The following KIAA0232 variants were observed in gnomAD, a reference collection of about 807,000 sequenced individuals.
KIAA0232 encodes uncharacterized protein KIAA0232.
In KIAA0232, 27 loss-of-function variants were observed where a neutral mutation model predicts 122.0. The observed-to-expected ratio is 0.22, with a 90% CI of 0.16 to 0.31. The LOEUF is 0.31. Ranked by LOEUF, KIAA0232 falls within the 10% of genes least tolerant of loss-of-function variation. The probability of loss-of-function intolerance (pLI) is 1.00; values close to 1 mark genes in which losing one functional copy is unlikely to be tolerated. For synonymous variants in KIAA0232, 613 were observed against 587.6 expected, an observed-to-expected ratio of 1.04 and a Z score of -0.63; for missense variants, 1,551 against 1,634.2, an observed-to-expected ratio of 0.95 and a Z score of 0.88.
intron 2 of KIAA0232, among the ~76,000 whole-genome samples, chr4:6,807,131 C>A (rs114825227): frequency 2.9e-4 from 44 of 152,060 alleles, no homozygotes; most frequent in African/African-American, 9.7e-4. Flanking sequence ...TACGCCTGGG[C>A]TCAAGTGTTG....
intron 3 of KIAA0232, among the ~76,000 whole-genome samples, chr4:6,835,658 C>T (rs1207833817): frequency 6.6e-6 from 1 of 152,156 alleles, no homozygotes; most frequent in African/African-American, 2.4e-5. Context: ...GTGATGTTCC[C>T]CTCCCTGTGT....
intron 7 of KIAA0232, among the ~76,000 whole-genome samples, chr4:6,867,283 G>A (rs966059965): frequency 3.3e-5 from 5 of 152,178 alleles, no homozygotes; most frequent in African/African-American, 1.2e-4. Flanking sequence ...TGAAGGTTGA[G>A]GAAGGTTTCT....
rs200991346 is a variant in KIAA0232, at chr4:6,861,064, G to C, written c.682G>C (p.Glu228Gln). The change falls in exon 7 of 10, where the codon GAA (glutamate) becomes CAA (glutamine). Residue 228 changes from glutamate (E) to glutamine (Q), a missense_variant. Glu to Gln is a conservative substitution (Grantham distance 29). Transcript: ENST00000307659. ...TTCCTCTCCTAAGGACTGCAACAGT[G>C]AAAGTGAAGTCACCAAGGAAAGAAG... ...DTSSPKDCNS[E>Q]SEVTKERSSE... 326 of 1,614,026 alleles carry C rather than the reference G, an allele frequency of 2.0e-4. 2 individuals carry two copies. The highest frequency in any genetic ancestry group is 3.9e-5 in the Non-Finnish European group (46 of 1,180,022).
chr4:6,791,038 C>T (rs1466939367), intron 1 of KIAA0232, among the ~76,000 whole-genome samples: 1 of 149,612 alleles, frequency 6.7e-6, no homozygotes, highest in African/African-American at 2.5e-5. Context: ...CCTGCCTTGG[C>T]CTCCTGAGTA....
At chr4:6,866,009 A>G (rs1019752024) in intron 7 of KIAA0232, among the ~76,000 whole-genome samples, 3 of 152,306 alleles carry the variant, frequency 2.0e-5, no homozygotes, top group African/African-American at 7.2e-5. Flanking sequence ...GGAAGCCCCC[A>G]GGCGACTTGA....
intron 2 of KIAA0232, among the ~76,000 whole-genome samples, chr4:6,813,937 C>T (rs1577366942): frequency 6.6e-6 from 1 of 152,126 alleles, no homozygotes; most frequent in Non-Finnish European, 1.5e-5. Flanking sequence ...ACTGTCACTG[C>T]CGGGCAGCAC....
intron 3 of KIAA0232, among the ~76,000 whole-genome samples, chr4:6,834,194 C>T (rs566820094): frequency 2.8e-4 from 42 of 152,256 alleles, no homozygotes; most frequent in African/African-American, 1.0e-3. Flanking sequence ...GCTCAAGGGT[C>T]CTCCTGTCTC....
At chr4:6,859,747 A>C (rs1720758507) in intron 6 of KIAA0232, among the ~76,000 whole-genome samples, 1 of 152,208 alleles carries the variant, frequency 6.6e-6, no homozygotes, top group South Asian at 2.1e-4. Context: ...TTCATGTGTG[A>C]CCTTGAGCAT....
At chr4:6,848,762 A>G (rs1226703127) in intron 4 of KIAA0232, among the ~76,000 whole-genome samples, 1 of 152,224 alleles carries the variant, frequency 6.6e-6, no homozygotes, top group Non-Finnish European at 1.5e-5. Context: ...TTTATTGAGC[A>G]CTTAAAATGT....
chr4:6,803,320 T>G (rs1228360506), intron 1 of KIAA0232, among the ~76,000 whole-genome samples: 1 of 151,670 alleles, frequency 6.6e-6, no homozygotes, highest in Non-Finnish European at 1.5e-5. Flanking sequence ...GAAGACAAGG[T>G]AAGAGAAAGA....
chr4:6,859,610 T>C (rs1720753057), intron 6 of KIAA0232, among the ~76,000 whole-genome samples: 1 of 152,252 alleles, frequency 6.6e-6, no homozygotes, highest in African/African-American at 2.4e-5. Context: ...TCTTATGTTT[T>C]TAATGTGCCT....
At chr4:6,815,978 T>A (rs771160521) in intron 2 of KIAA0232, among the ~76,000 whole-genome samples, 3 of 152,186 alleles carry the variant, frequency 2.0e-5, no homozygotes, top group Non-Finnish European at 4.4e-5. Flanking sequence ...ACAAAAAGAA[T>A]CTTATGGTTG....
chr4:6,846,850 C>G (rs1236557430), intron 4 of KIAA0232, among the ~76,000 whole-genome samples: 1 of 152,006 alleles, frequency 6.6e-6, no homozygotes, highest in African/African-American at 2.4e-5. Context: ...GTGTTTTTGT[C>G]GTGAATGTTT....
At chr4:6,816,470 G>A (rs558951644) in intron 2 of KIAA0232, among the ~76,000 whole-genome samples, 13 of 152,114 alleles carry the variant, frequency 8.5e-5, no homozygotes, top group Admixed American at 7.2e-4. Flanking sequence ...TTTTAGTAGA[G>A]ACAGGGTTTC....
rs1323339408 is a variant in KIAA0232 at position 6,863,364 on chromosome 4, G to A, written c.2982G>A (p.Val994=). ...ACAGGCAGTTATGGAAACCCTTCGT[G>A]TCATTTGAACAGAATGATCAGCCGA... ...PGHRQLWKPF[V]SFEQNDQPKS... is the part of the protein sequence containing the mutation. The change falls in exon 7 of 10, where the codon GTG becomes GTA. Residue 994 remains valine (V), a synonymous_variant. Transcript: ENST00000307659. 2 of 1,614,154 alleles carry A rather than the reference G, an allele frequency of 1.2e-6. No individual in the cohort carries two copies. The highest frequency in any genetic ancestry group is 2.2e-5 in the East Asian group (1 of 44,876).
chr4:6,845,513 G>C (rs1251071349), intron 4 of KIAA0232, among the ~76,000 whole-genome samples: 1 of 152,000 alleles, frequency 6.6e-6, no homozygotes, highest in Non-Finnish European at 1.5e-5. Flanking sequence ...TTTTCTTTAT[G>C]ACACCTAAAG....
At chr4:6,838,443 C>T (rs1219270334) in intron 3 of KIAA0232, among the ~76,000 whole-genome samples, 1 of 152,178 alleles carries the variant, frequency 6.6e-6, no homozygotes, top group South Asian at 2.1e-4. Flanking sequence ...CCCACCTCTG[C>T]CTCCCAAATT....
chr4:6,855,813 A>AGTG lies in KIAA0232; in HGVS notation c.370-1350_370-1348dup, dbSNP rs1199895892. On this transcript the variant is annotated intron_variant, in intron 4 of 9. Transcript: ENST00000307659. This position sits in a 1 kb window ranked among gnomAD's most constrained non-coding sequence, Gnocchi z 4.3. ...AGGCTTGCTGTACAGAACAGTATGC[A>AGTG]GTGTGTCAGCTGACACTGGTGTTGG... is the stretch of plus-strand genomic sequence containing the variant. 4 of 983,878 alleles carry AGTG rather than the reference A, an allele frequency of 4.1e-6. No homozygotes were observed. The highest frequency in any genetic ancestry group is 1.7e-5 in the African/African-American group (1 of 57,212). 60.9% of individuals were successfully genotyped at this position (983,878 alleles called of 1,614,324 possible).
Position 6,877,735 on chromosome 4 carries a change from G to T in KIAA0232, c.4008+978G>T, listed in dbSNP as rs377489016. ...TTCTAGCCACGCTGGCAGCTGACTA[G>T]ATGGTGCCCACCCAGATGAAGGGTG... On this transcript the variant is annotated intron_variant, in intron 9 of 9. Coordinates refer to ENST00000307659, the MANE Select transcript of KIAA0232 (RefSeq NM_014743.3). Among the ~76,000 whole-genome samples the T allele has an allele frequency of 1.0e-3, 159 of 152,260 alleles. 1 individual carries two copies. The highest frequency in any genetic ancestry group is 3.7e-3 in the African/African-American group (153 of 41,538).
Sources: allele counts gnomAD v4.1 joint callset (sites outside exome capture counted in the v4.1 genomes callset), GRCh38; gene constraint gnomAD v4.1.1; non-coding constraint Gnocchi (gnomAD v3.1); transcripts MANE v1.5; gene names NCBI Gene and HGNC (gene_info 2026-07-23, HGNC 2026-07-21).